HS6ST3: variants seen among roughly 807,000 people sequenced by gnomAD.
HS6ST3 encodes heparan-sulfate 6-O-sulfotransferase 3.
Under a neutral mutation model 36.7 loss-of-function variants are expected in HS6ST3, and 12 were observed. The observed-to-expected ratio is 0.33, with a 90% confidence interval of 0.21 to 0.53. The LOEUF (loss-of-function observed/expected upper bound fraction) is 0.53. Ranked by LOEUF, HS6ST3 falls within the 20% of genes least tolerant of loss-of-function variation. The pLI, the probability that HS6ST3 is intolerant of heterozygous loss-of-function variation, is 0.95. For synonymous variants in HS6ST3, 240 were observed against 257.5 expected (o/e 0.93, Z 0.65); for missense variants, 584 against 640.9 (o/e 0.91, Z 0.96).
chr13:96,472,933 T>A (rs942384944), intron 1 of HS6ST3, among the ~76,000 whole-genome samples: 1 of 152,230 alleles, frequency 6.6e-6, no homozygotes, highest in African/African-American at 2.4e-5. Flanking sequence ...TCTATAGTTA[T>A]GAGGTGGTAG....
At chr13:96,656,992 T>A (rs1214761309) in intron 1 of HS6ST3, among the ~76,000 whole-genome samples, 3 of 137,292 alleles carry the variant, frequency 2.2e-5, no homozygotes, top group Middle Eastern at 3.4e-3. Context: ...TGTGTGTGTG[T>A]GTGTGTGAGA....
chr13:96,413,605 G>A (rs937160047), intron 1 of HS6ST3, among the ~76,000 whole-genome samples: 2 of 152,170 alleles, frequency 1.3e-5, no homozygotes, highest in African/African-American at 4.8e-5. Flanking sequence ...CAGCATTCAG[G>A]TATTGACTAC....
chr13:96,598,918 A>G (rs141568224), intron 1 of HS6ST3, among the ~76,000 whole-genome samples: 91 of 152,132 alleles, frequency 6.0e-4, no homozygotes, highest in African/African-American at 2.1e-3. Flanking sequence ...TTCTTCCTCT[A>G]TTGAGATGAT....
At position 96,112,626 on chromosome 13, in the gene HS6ST3, C is replaced by T. The variant is rs558710677; in HGVS notation, c.707+21057C>T. Among the ~76,000 whole-genome samples the T allele has an allele frequency of 8.9e-5, 5 of 56,268 alleles. No individual in the cohort carries two copies. In the East Asian group the frequency reaches 2.1e-3, roughly 23 times the overall value. The allele number at this position is 56,268 out of a possible 152,430, so 36.9% of individuals were successfully genotyped here. On this transcript the variant is annotated intron_variant, in intron 1 of 1. Transcript: ENST00000376705. ...ATATATATATATATATATATATGCC[C>T]GGCTGGTGGTGTACACCTGTGGTCC...
intron 1 of HS6ST3, among the ~76,000 whole-genome samples, chr13:96,256,105 C>T (rs929603566): frequency 3.9e-5 from 6 of 152,064 alleles, no homozygotes; most frequent in East Asian, 1.9e-4. Flanking sequence ...AAAAGATCAG[C>T]GAAATATTCA....
intron 1 of HS6ST3, among the ~76,000 whole-genome samples, chr13:96,303,306 A>G (rs1170157613): frequency 6.6e-6 from 1 of 152,214 alleles, no homozygotes; most frequent in African/African-American, 2.4e-5. Flanking sequence ...GAATCAGAGA[A>G]GCTTAGATCT....
At chr13:96,744,347 T>TA (rs1338429342) in intron 1 of HS6ST3, among the ~76,000 whole-genome samples, 1 of 152,018 alleles carries the variant, frequency 6.6e-6, no homozygotes, top group Non-Finnish European at 1.5e-5. Context: ...ACACTGCAGG[T>TA]AAACAACAAG....
chr13:96,291,325 C>T (rs1308651764), intron 1 of HS6ST3, among the ~76,000 whole-genome samples: 1 of 152,120 alleles, frequency 6.6e-6, no homozygotes, highest in Non-Finnish European at 1.5e-5. Context: ...ATTCTGCCAG[C>T]CTTGGGCTTG....
At chr13:96,505,869 C>G (rs2056024163) in intron 1 of HS6ST3, among the ~76,000 whole-genome samples, 1 of 152,122 alleles carries the variant, frequency 6.6e-6, no homozygotes, top group South Asian at 2.1e-4. Context: ...AAGACTTTTG[C>G]TGTACCAGTG....
chr13:96,476,491 C>T (rs6491295), intron 1 of HS6ST3, among the ~76,000 whole-genome samples: 152,059 of 152,240 alleles, frequency 1, 75,939 homozygotes, highest in Middle Eastern at 1. Flanking sequence ...GCCTCCAGAG[C>T]AGCTGGGACT....
At chr13:96,485,308 T>C (rs1566374404) in intron 1 of HS6ST3, among the ~76,000 whole-genome samples, 1 of 152,032 alleles carries the variant, frequency 6.6e-6, no homozygotes, top group Non-Finnish European at 1.5e-5. Context: ...GTATATATTT[T>C]ATTAGAGTTA....
At chr13:96,674,791 C>A (rs892547887) in intron 1 of HS6ST3, among the ~76,000 whole-genome samples, 1 of 152,148 alleles carries the variant, frequency 6.6e-6, no homozygotes, top group African/African-American at 2.4e-5. Flanking sequence ...TGTTCCTCCT[C>A]CTATGCGTCA....
At chr13:96,778,345 G>A (rs573846331) in intron 1 of HS6ST3, among the ~76,000 whole-genome samples, 1 of 152,234 alleles carries the variant, frequency 6.6e-6, no homozygotes, top group African/African-American at 2.4e-5. Flanking sequence ...AAACTAAAGA[G>A]CTTCTGCACA....
chr13:96,580,582 A>T (rs1363251947), intron 1 of HS6ST3, among the ~76,000 whole-genome samples: 2 of 152,026 alleles, frequency 1.3e-5, no homozygotes, highest in Non-Finnish European at 2.9e-5. Flanking sequence ...ACCTTTTAAA[A>T]ATTTTCTTTG....
At chr13:96,480,418 CT>C (rs1427282890) in intron 1 of HS6ST3, among the ~76,000 whole-genome samples, 4 of 151,996 alleles carry the variant, frequency 2.6e-5, no homozygotes, top group Non-Finnish European at 2.9e-5. Context: ...TGGGCCTCCA[CT>C]TTAAAAATTT....
At chr13:96,273,161 C>T (rs762193161) in intron 1 of HS6ST3, among the ~76,000 whole-genome samples, 6 of 151,914 alleles carry the variant, frequency 3.9e-5, no homozygotes, top group Non-Finnish European at 7.4e-5. Flanking sequence ...TAGTGCTGCT[C>T]GCCAAATAAT....
At chr13:96,763,824 TA>T (rs561820339) in intron 1 of HS6ST3, among the ~76,000 whole-genome samples, 120 of 151,990 alleles carry the variant, frequency 7.9e-4, no homozygotes, top group African/African-American at 2.7e-3. Context: ...CTAGATAAAA[TA>T]AAAAATAAGT....
chr13:96,705,778 G>T (rs1875404018), intron 1 of HS6ST3, among the ~76,000 whole-genome samples: 2 of 152,152 alleles, frequency 1.3e-5, no homozygotes, highest in South Asian at 2.1e-4. Context: ...GCAGGAGCCG[G>T]TGTCTCCAAG....
At chr13:96,335,190 C>G (rs2055094346) in intron 1 of HS6ST3, among the ~76,000 whole-genome samples, 1 of 152,218 alleles carries the variant, frequency 6.6e-6, no homozygotes, top group Middle Eastern at 3.4e-3. Flanking sequence ...TCCCCAGAAG[C>G]TGGAGAGCCT....
Sources: allele counts gnomAD v4.1 joint callset (sites outside exome capture counted in the v4.1 genomes callset), GRCh38; gene constraint gnomAD v4.1.1; transcripts MANE v1.5; gene names NCBI Gene and HGNC (gene_info 2026-07-23, HGNC 2026-07-21).